PCDHGC5: variants seen among roughly 807,000 people sequenced by gnomAD.
PCDHGC5 encodes the protein protocadherin gamma-C5.
A neutral mutation model predicts 59.0 loss-of-function variants in PCDHGC5; 25 were observed. The ratio of observed to expected loss-of-function variants is 0.42; its 90% CI spans 0.31 to 0.59. The LOEUF (loss-of-function observed/expected upper bound fraction) is 0.59, where lower values mean the gene tolerates loss of function less well. Ranked by LOEUF, PCDHGC5 falls within the 20% of genes least tolerant of loss-of-function variation. The pLI, the probability that PCDHGC5 is intolerant of heterozygous loss-of-function variation, is 0.13. For missense variants in PCDHGC5, 1,067 were observed against 1,206.4 expected, an observed-to-expected ratio of 0.88 and a Z score of 1.71; for synonymous variants, 434 against 505.5, an observed-to-expected ratio of 0.86 and a Z score of 1.90.
chr5:141,509,442 T>C (rs1473514859), intron 3 of PCDHGC5, among the ~76,000 whole-genome samples: 3 of 152,008 alleles, frequency 2.0e-5, no homozygotes, highest in Non-Finnish European at 2.9e-5. Flanking sequence ...TGTTTCCTCC[T>C]CTCCCACCCC....
Position 141,490,179 on chromosome 5 carries a change from A to G in PCDHGC5, c.939A>G (p.Ser313=). The change falls in exon 1 of 4, where the codon TCA becomes TCG. Residue 313 remains serine, a synonymous_variant. Transcript: ENST00000252087. This position sits in a 1 kb window ranked among gnomAD's most constrained non-coding sequence, Gnocchi z 5.4. Reference sequence around the variant, plus strand: ...TGGGTCCCATAGACTTTGAGGAGTCACGTTTCTATGAAATTCATGCAAGAG... The same window carrying G: ...TGGGTCCCATAGACTTTGAGGAGTCGCGTTTCTATGAAATTCATGCAAGAG... ...HVLGPIDFEE[S]RFYEIHARAR... 1 of 1,614,202 alleles carries G rather than the reference A, an allele frequency of 6.2e-7. No individual in the cohort carries two copies. Among genetic ancestry groups the G allele is most frequent in the East Asian group, 2.2e-5 (1 of 44,882 alleles).
At chr5:141,499,966 G>A (rs1403177792) in intron 2 of PCDHGC5, among the ~76,000 whole-genome samples, 1 of 151,988 alleles carries the variant, frequency 6.6e-6, no homozygotes, top group African/African-American at 2.4e-5. Flanking sequence ...GGGATTACAG[G>A]TGTGAGCCAC....
In PCDHGC5 at chr5:141,511,548, A is replaced by C; in HGVS notation, c.*375A>C. 3.3e-6 allele frequency: 1 copy of C among 306,952 alleles called. No homozygotes were observed. The highest frequency in any genetic ancestry group is 6.3e-6 in the Non-Finnish European group (1 of 158,248). 19.0% of individuals were successfully genotyped at this position (306,952 alleles called of 1,614,324 possible). ...CCTCCCTCCTCCCCACCCCACTCCA[A>C]CAGTTCCTCTTTCCCGAGTAAGGTG... is the stretch of plus-strand genomic sequence containing the variant. On this transcript the variant is annotated 3_prime_UTR_variant, in exon 4 of 4. Transcript: ENST00000252087.
At chr5:141,506,240 G>A (rs918820495) in intron 3 of PCDHGC5, among the ~76,000 whole-genome samples, 8 of 152,184 alleles carry the variant, frequency 5.3e-5, no homozygotes, top group Middle Eastern at 3.4e-3. Flanking sequence ...CATGAGGTCA[G>A]GAGTTCGAAA....
intron 3 of PCDHGC5, chr5:141,508,275 T>G (rs1030431371): frequency 6.6e-6 from 1 of 152,138 alleles, no homozygotes. Context: ...ATCCCGGTCC[T>G]TGACCAAGGT....
intron 3 of PCDHGC5, chr5:141,507,291 T>A (rs956764262): frequency 3.4e-5 from 5 of 147,704 alleles, no homozygotes; most frequent in African/African-American, 5.1e-5. Flanking sequence ...CAGTCTCAAA[T>A]GTTGCATGAG....
At chr5:141,501,290 TACAC>T (rs55762287) in intron 2 of PCDHGC5, among the ~76,000 whole-genome samples, 45,565 of 135,778 alleles carry the variant, frequency 0.34, 7,845 homozygotes, top group Non-Finnish European at 0.42. Flanking sequence ...TATTCCCTTA[TACAC>T]ACACACACAC....
intron 3 of PCDHGC5, among the ~76,000 whole-genome samples, chr5:141,509,745 T>C (rs1456852988): frequency 6.6e-6 from 1 of 152,186 alleles, no homozygotes; most frequent in East Asian, 1.9e-4. Context: ...TCTGAGCCTG[T>C]GCCTAAAGTG....
In PCDHGC5 at chr5:141,506,418, G is replaced by A. The variant is rs2099853241; in HGVS notation, c.2608+937G>A. Among the ~76,000 whole-genome samples, 3 of 141,160 alleles carry A rather than the reference G, an allele frequency of 2.1e-5. No homozygotes were observed. The South Asian group carries it at 6.6e-4, about 31-fold the overall frequency. 92.6% of individuals were successfully genotyped at this position (141,160 alleles called of 152,430 possible). The stretch of plus-strand genomic sequence containing the variant: ...CAGAAAATCGCACCACTGCACTCCA[G>A]CCTGGGCAACAGTCTCGCTCTGTCT... On this transcript the variant is annotated intron_variant, in intron 3 of 3. Coordinates refer to ENST00000252087, the MANE Select transcript of PCDHGC5 (RefSeq NM_018929.3).
At chr5:141,496,869 A>G (rs2099772006) in intron 2 of PCDHGC5, among the ~76,000 whole-genome samples, 1 of 150,116 alleles carries the variant, frequency 6.7e-6, no homozygotes, top group African/African-American at 2.5e-5. Context: ...GAGACTGAAA[A>G]TTTGCAACAA....
rs534187376 is a variant in PCDHGC5 at position 141,512,974 on chromosome 5, A to G, written c.*1801A>G. ...AAAATAATAAAACGTTTCTTCTGAA[A>G]AGCTGAACGTTTCTGTATAAGCGAT... is the stretch of plus-strand genomic sequence containing the variant. On this transcript the variant is annotated 3_prime_UTR_variant, in exon 4 of 4. Transcript: ENST00000252087. The G allele has an allele frequency of 6.6e-6, 1 of 152,362 alleles. No individual in the cohort carries two copies. Among genetic ancestry groups the G allele is most frequent in the South Asian group, 2.1e-4 (1 of 4,826 alleles). The allele number at this position is 152,362 out of a possible 1,614,324, so 9.4% of individuals were successfully genotyped here. A position where few individuals can be genotyped will look rare whatever the true frequency, so the allele number is the denominator to read the frequency against.
rs2099735810 is a variant in PCDHGC5 at position 141,491,979 on chromosome 5, G to A, written c.2460+279G>A. On this transcript the variant is annotated intron_variant, in intron 1 of 3. Transcript: ENST00000252087. This position sits in a 1 kb window ranked among gnomAD's most constrained non-coding sequence, Gnocchi z 6.9. ...CAAAAAAGGCCGGGGCCTCCTTCGA[G>A]CTTCCGGTGAATTTCGGGCGATTTC... 6.4e-6 allele frequency: 5 copies of A among 787,296 alleles called. No homozygotes were observed. Among genetic ancestry groups the A allele is most frequent in the Non-Finnish European group, 9.4e-6 (5 of 533,208 alleles). 48.8% of individuals were successfully genotyped at this position (787,296 alleles called of 1,614,324 possible).
chr5:141,499,689 CTTTTTTTT>C (rs545067566), intron 2 of PCDHGC5, among the ~76,000 whole-genome samples: 2 of 119,856 alleles, frequency 1.7e-5, no homozygotes, highest in Non-Finnish European at 3.5e-5. Flanking sequence ...TAACAGATGA[CTTTTTTTT>C]TTTTTTTTTT....
At chr5:141,499,271 T>C (rs2099790752) in intron 2 of PCDHGC5, among the ~76,000 whole-genome samples, 1 of 152,180 alleles carries the variant, frequency 6.6e-6, no homozygotes, top group South Asian at 2.1e-4. Context: ...GTCCCTAGAC[T>C]GTTCTCTGAT....
Position 141,490,900 on chromosome 5 carries a change from G to A in PCDHGC5, c.1660G>A (p.Val554Ile), listed in dbSNP as rs2099705863. 2 of 1,613,796 alleles carry A rather than the reference G, an allele frequency of 1.2e-6. No individual in the cohort carries two copies. The highest frequency in any genetic ancestry group is 2.7e-5 in the African/African-American group (2 of 75,050). ...LHANTSLHVF[V>I]LDENDNAPAV... ...TGCCAACACATCTCTGCATGTGTTT[G>A]TCCTAGACGAGAATGATAATGCCCC... Residue 554 changes from valine (V) to isoleucine (I), a missense_variant, in exon 1 of 4, where the codon GTC becomes ATC. Transcript: ENST00000252087. The surrounding 1 kb of genome is among the most constrained non-coding windows in gnomAD (Gnocchi z 5.4).
Position 141,491,415 on chromosome 5 carries a change from G to GGGT in PCDHGC5, c.2178_2180dup (p.Gly728dup). 1 of 1,614,126 alleles carries GGGT rather than the reference G, an allele frequency of 6.2e-7. No individual in the cohort carries two copies. Among genetic ancestry groups the GGGT allele is most frequent in the Non-Finnish European group, 8.5e-7 (1 of 1,180,034 alleles). ...TTCAGGGAAACGCAGACGGGGACGG[G>GGGT]GGTGGAGGGCAGTGCTGCAGGCGCC... On this transcript the variant is annotated inframe_insertion, in exon 1 of 4. Transcript: ENST00000252087. The surrounding 1 kb of genome is among the most constrained non-coding windows in gnomAD (Gnocchi z 6.9).
intron 3 of PCDHGC5, 40 bp downstream of exon 3, chr5:141,505,521 T>C: frequency 1.9e-6 from 3 of 1,612,684 alleles, no homozygotes; most frequent in Non-Finnish European, 2.5e-6. Context: ...GTGGGAGACC[T>C]GGGGTTCTGG....
intron 3 of PCDHGC5, among the ~76,000 whole-genome samples, chr5:141,507,760 T>G (rs2099863136): frequency 6.6e-6 from 1 of 152,202 alleles, no homozygotes; most frequent in Non-Finnish European, 1.5e-5. Context: ...GCCTCCCACC[T>G]TTGGCCCACA....
rs1335023784 is a variant in PCDHGC5 at position 141,490,877 on chromosome 5, C to CCAA, written c.1640_1642dup (p.Asn547dup). 2.5e-6 allele frequency: 4 copies of CCAA among 1,613,762 alleles called. No homozygotes were observed. Among genetic ancestry groups the CCAA allele is most frequent in the Non-Finnish European group, 3.4e-6 (4 of 1,179,908 alleles). On this transcript the variant is annotated inframe_insertion, in exon 1 of 4. Transcript: ENST00000252087. This position sits in a 1 kb window ranked among gnomAD's most constrained non-coding sequence, Gnocchi z 5.4. ...GACTCCGGCTCTCCCCCATTGCATG[C>CCAA]CAACACATCTCTGCATGTGTTTGTC...
Sources: gnomAD v4.1 joint callset for allele counts (sites outside exome capture counted in the v4.1 genomes callset) on GRCh38, gnomAD v4.1.1 for gene constraint, Gnocchi (gnomAD v3.1) non-coding constraint, MANE v1.5 for transcripts, NCBI Gene and HGNC (gene_info 2026-07-23, HGNC 2026-07-21) for gene names.